Variants in TNR observed in about 807,000 individuals in gnomAD.
TNR encodes the protein tenascin-R.
In TNR, 45 loss-of-function variants were observed where a neutral mutation model predicts 150.4. The ratio of observed to expected loss-of-function variants is 0.30; its 90% CI spans 0.24 to 0.38. TNR has a LOEUF of 0.38. Among genes scored for constraint, TNR ranks in the 10% least tolerant of loss-of-function variants. The pLI, the probability that TNR is intolerant of heterozygous loss-of-function variation, is 1.00. For missense variants in TNR, 1,544 were observed against 1,759.1 expected, an observed-to-expected ratio of 0.88 and a Z score of 2.19; for synonymous variants, 687 against 678.4, an observed-to-expected ratio of 1.01 and a Z score of -0.20.
rs75532422 is a variant in TNR, at chr1:175,469,608, C to A, written c.-64+58661G>T. The stretch of plus-strand genomic sequence containing the variant: ...AGCTATAGGGAGGGTTTTGTGGCCT[C>A]TTGTTGGGGCTGCTTGGTAACTAGA... On this transcript the variant is annotated intron_variant, in intron 2 of 22. Coordinates refer to ENST00000367674, the MANE Select transcript of TNR (RefSeq NM_003285.3). Among the ~76,000 whole-genome samples the A allele has an allele frequency of 8.8e-3, 1,333 of 151,818 alleles. 15 individuals are homozygous for A. The highest frequency in any genetic ancestry group is 0.029 in the African/African-American group (1,210 of 41,404).
At chr1:175,638,947 T>G (rs1481069941) in intron 1 of TNR, among the ~76,000 whole-genome samples, 1 of 152,242 alleles carries the variant, frequency 6.6e-6, no homozygotes, top group Non-Finnish European at 1.5e-5. Context: ...AACCAAAATC[T>G]TAGAATCTTT....
At chr1:175,498,965 G>C (rs1219052744) in intron 2 of TNR, among the ~76,000 whole-genome samples, 2 of 152,204 alleles carry the variant, frequency 1.3e-5, no homozygotes, top group African/African-American at 4.8e-5. Flanking sequence ...CACATTATGT[G>C]TAACAAGGTC....
intron 1 of TNR, among the ~76,000 whole-genome samples, chr1:175,647,436 A>AAAAAAAAAAAAAAAAAAAAAAAAC: frequency 2.9e-5 from 2 of 68,486 alleles, no homozygotes; most frequent in African/African-American, 1.6e-4. Context: ...TATTCGGTGC[A>AAAAAAAAAAAAAAAAAAAAAAAAC]AAAAAAAAAA....
In TNR at chr1:175,601,248, G is replaced by GTT. The variant is rs1663223973; in HGVS notation, c.-164-72880_-164-72879insAA. 1.3e-5 allele frequency among the ~76,000 whole-genome samples: 2 copies of GTT among 152,224 alleles called. 1 individual carries two copies. Among genetic ancestry groups the GTT allele is most frequent in the Non-Finnish European group, 2.9e-5 (2 of 68,048 alleles). ...TCTGCAGCGGGTAGAGTTTGGGTAAGGTCACTTGGCCAGTTCTTACTCAGA... is the reference window on the plus strand; with the variant it reads ...TCTGCAGCGGGTAGAGTTTGGGTAAGTTGTCACTTGGCCAGTTCTTACTCAGA... On this transcript the variant is annotated intron_variant, in intron 1 of 22. Coordinates refer to ENST00000367674, the MANE Select transcript of TNR (RefSeq NM_003285.3).
chr1:175,335,321 G>A (rs73036233), intron 20 of TNR: 4,588 of 178,650 alleles, frequency 0.026, 221 homozygotes, highest in African/African-American at 0.1. Flanking sequence ...GGAACTAAGC[G>A]GAGTGGCTGT....
At chr1:175,573,673 G>A (rs915129927) in intron 1 of TNR, among the ~76,000 whole-genome samples, 4 of 152,236 alleles carry the variant, frequency 2.6e-5, no homozygotes, top group Non-Finnish European at 5.9e-5. Context: ...AAGCTTATCC[G>A]ATTGTATGTT....
At chr1:175,665,086 A>C (rs886367260) in intron 1 of TNR, among the ~76,000 whole-genome samples, 1 of 152,216 alleles carries the variant, frequency 6.6e-6, no homozygotes, top group Non-Finnish European at 1.5e-5. Flanking sequence ...GCTTGGTCTC[A>C]ACGTTAGCCA....
intron 1 of TNR, among the ~76,000 whole-genome samples, chr1:175,662,713 T>C (rs1665416161): frequency 6.6e-6 from 1 of 152,186 alleles, no homozygotes; most frequent in Non-Finnish European, 1.5e-5. Context: ...GTTATTTCAT[T>C]AACTCTGCAA....
chr1:175,624,228 A>G (rs759116565), intron 1 of TNR, among the ~76,000 whole-genome samples: 95 of 152,194 alleles, frequency 6.2e-4, no homozygotes, highest in Non-Finnish European at 7.6e-4. Context: ...CATCCTCACT[A>G]TATTGAGAAT....
chr1:175,406,710 C>G lies in TNR; in HGVS notation c.5G>C (p.Gly2Ala), dbSNP rs981000615. Reference protein sequence around the residue: MGADGETVVLKN... With the variant: MAADGETVVLKN... ...CAGAACCACTGTTTCCCCATCTGCC[C>G]CCATCCTCTCAGCCAGAGATCTGGG... The change falls in exon 3 of 23, where the codon GGG (glycine) becomes GCG (alanine). Residue 2 changes from glycine (G) to alanine (A), a missense_variant. Gly to Ala is a moderately conservative substitution (Grantham distance 60). Around this residue, in one of 2 missense-constraint regions of TNR, gnomAD observed 1,254 missense variants for 1,329.4 expected, o/e 0.94. Coordinates refer to ENST00000367674, the MANE Select transcript of TNR (RefSeq NM_003285.3). 2 of 1,613,394 alleles carry G rather than the reference C, an allele frequency of 1.2e-6. No homozygotes were observed. Among genetic ancestry groups the G allele is most frequent in the African/African-American group, 2.7e-5 (2 of 74,912 alleles).
chr1:175,704,788 AT>A (rs1286203914), intron 1 of TNR, among the ~76,000 whole-genome samples: 5 of 152,314 alleles, frequency 3.3e-5, no homozygotes, highest in Admixed American at 3.3e-4. Context: ...ATTAAAAACT[AT>A]TTTCATGAGT....
chr1:175,373,730 C>A (rs1652208374), intron 9 of TNR, among the ~76,000 whole-genome samples: 2 of 139,062 alleles, frequency 1.4e-5, no homozygotes, highest in African/African-American at 5.5e-5. Flanking sequence ...TTGCTGTGAA[C>A]AAGTACTCCC....
At chr1:175,362,636 C>G in intron 14 of TNR, 27 bp downstream of exon 14, 1 of 1,606,782 alleles carries the variant, frequency 6.2e-7, no homozygotes, top group Non-Finnish European at 8.5e-7. Context: ...AGGGTTCTGA[C>G]TTGACACAGC....
intron 1 of TNR, among the ~76,000 whole-genome samples, chr1:175,590,147 C>T (rs1215824368): frequency 3.9e-5 from 6 of 151,940 alleles, no homozygotes; most frequent in African/African-American, 1.5e-4. Flanking sequence ...TGAAAGATTG[C>T]TAAATGAGTA....
intron 1 of TNR, among the ~76,000 whole-genome samples, chr1:175,529,690 T>C (rs899646806): frequency 6.6e-6 from 1 of 152,228 alleles, no homozygotes; most frequent in Non-Finnish European, 1.5e-5. Flanking sequence ...TGCAGCCTAT[T>C]TGGGGGGCAG....
intron 1 of TNR, among the ~76,000 whole-genome samples, chr1:175,592,017 T>A (rs1300531257): frequency 2.0e-5 from 3 of 152,164 alleles, no homozygotes; most frequent in African/African-American, 7.2e-5. Flanking sequence ...AAAAATAAAC[T>A]TCTATTGCTT....
intron 2 of TNR, among the ~76,000 whole-genome samples, chr1:175,422,578 C>T (rs1398513892): frequency 1.3e-5 from 2 of 152,200 alleles, no homozygotes; most frequent in Admixed American, 6.5e-5. Context: ...AGCCATTGGC[C>T]CAGTTTATTG....
At chr1:175,593,181 G>A (rs16848737) in intron 1 of TNR, among the ~76,000 whole-genome samples, 23,945 of 152,016 alleles carry the variant, frequency 0.16, 2,821 homozygotes, top group African/African-American at 0.32. Flanking sequence ...AACTCATCTC[G>A]AAGTGTACTT....
intron 1 of TNR, among the ~76,000 whole-genome samples, chr1:175,734,873 G>A (rs995643408): frequency 1.3e-5 from 2 of 152,226 alleles, no homozygotes; most frequent in African/African-American, 2.4e-5. Context: ...GTGGGCACAC[G>A]TGCTCACAGA....
Sources: allele counts gnomAD v4.1 joint callset (sites outside exome capture counted in the v4.1 genomes callset), GRCh38; gene constraint gnomAD v4.1.1; regional missense constraint gnomAD v4.1.1; transcripts MANE v1.5; gene names NCBI Gene and HGNC (gene_info 2026-07-23, HGNC 2026-07-21).